Variants in PCBP3 observed in about 807,000 individuals in gnomAD.
PCBP3 encodes poly(rC)-binding protein 3.
PCBP3 carries 25 observed loss-of-function variants against 52.7 expected under a neutral mutation model. The observed-to-expected ratio is 0.47, with a 90% CI of 0.35 to 0.66. The LOEUF is 0.66. Ranked by LOEUF, PCBP3 falls within the 30% of genes least tolerant of loss-of-function variation. The pLI, the probability that PCBP3 is intolerant of heterozygous loss-of-function variation, is 0.01. For synonymous variants in PCBP3, 162 were observed against 183.0 expected (o/e 0.89, Z 0.93); for missense variants, 391 against 490.3 (o/e 0.80, Z 1.91).
intron 4 of PCBP3, among the ~76,000 whole-genome samples, chr21:45,839,345 C>T (rs1025872736): frequency 6.6e-6 from 1 of 152,180 alleles, no homozygotes; most frequent in Non-Finnish European, 1.5e-5. Flanking sequence ...TACATATTAT[C>T]CTGTCACCCT....
At chr21:45,721,342 G>A (rs1346215049) in intron 2 of PCBP3, among the ~76,000 whole-genome samples, 1 of 150,308 alleles carries the variant, frequency 6.7e-6, no homozygotes, top group Non-Finnish European at 1.5e-5. Context: ...GAACCCAGGA[G>A]GTGGAGGTTA....
At chr21:45,703,236 A>C (rs1376944103) in intron 2 of PCBP3, among the ~76,000 whole-genome samples, 1 of 152,242 alleles carries the variant, frequency 6.6e-6, no homozygotes, top group African/African-American at 2.4e-5. Context: ...AATGTTCTTA[A>C]TGACATCGAG....
At chr21:45,684,988 A>G (rs1168034917) in intron 2 of PCBP3, among the ~76,000 whole-genome samples, 1 of 152,228 alleles carries the variant, frequency 6.6e-6, no homozygotes, top group Non-Finnish European at 1.5e-5. Flanking sequence ...ACTCTGCTAC[A>G]GAAAACCATC....
intron 9 of PCBP3, among the ~76,000 whole-genome samples, chr21:45,903,904 G>A (rs142392930): frequency 1.2e-3 from 190 of 152,294 alleles, no homozygotes; most frequent in African/African-American, 4.0e-3. Flanking sequence ...TTCTAGTTGT[G>A]TGGAATTCTG....
At chr21:45,844,261 A>G (rs757948138) in intron 4 of PCBP3, among the ~76,000 whole-genome samples, 6 of 151,682 alleles carry the variant, frequency 4.0e-5, no homozygotes, top group Admixed American at 1.3e-4. Flanking sequence ...TGAGAGCCCC[A>G]CTTTAGGGAG....
At chr21:45,826,466 G>T (rs573909671) in intron 4 of PCBP3, among the ~76,000 whole-genome samples, 1 of 152,158 alleles carries the variant, frequency 6.6e-6, no homozygotes, top group Non-Finnish European at 1.5e-5. Flanking sequence ...CTGATTTCAC[G>T]CATGCAAAAT....
intron 3 of PCBP3, among the ~76,000 whole-genome samples, chr21:45,754,012 C>G (rs534804280): frequency 1.3e-5 from 2 of 152,124 alleles, no homozygotes; most frequent in African/African-American, 4.8e-5. Flanking sequence ...GGGTAAAAAA[C>G]TATTTTTAAC....
chr21:45,907,472 C>T (rs1478830661), intron 9 of PCBP3, among the ~76,000 whole-genome samples: 5 of 152,216 alleles, frequency 3.3e-5, no homozygotes, highest in Non-Finnish European at 7.3e-5. Flanking sequence ...CCCAGATCTC[C>T]AGTTGTTTCA....
intron 5 of PCBP3, among the ~76,000 whole-genome samples, chr21:45,852,386 T>C (rs58079335): frequency 0.49 from 21,916 of 44,308 alleles, 5,334 homozygotes; most frequent in East Asian, 0.81. Flanking sequence ...CACAGCCCTG[T>C]AGCCACCCTG....
chr21:45,819,855 G>T (rs1432378438), intron 4 of PCBP3, among the ~76,000 whole-genome samples: 1 of 152,238 alleles, frequency 6.6e-6, no homozygotes, highest in Non-Finnish European at 1.5e-5. Flanking sequence ...AGCTCCGTCT[G>T]TCATGTTAAT....
At chr21:45,695,729 G>A (rs1023740032) in intron 2 of PCBP3, among the ~76,000 whole-genome samples, 2 of 151,806 alleles carry the variant, frequency 1.3e-5, no homozygotes, top group African/African-American at 4.8e-5. Context: ...CTAGAACCTG[G>A]TACATAAGGC....
rs149995682 is a variant in PCBP3, at chr21:45,735,949, C to G, written c.-162+520C>G. On this transcript the variant is annotated intron_variant, in intron 3 of 17. Coordinates refer to ENST00000681687, the MANE Select transcript of PCBP3 (RefSeq NM_001384156.1). This position sits in a 1 kb window ranked among gnomAD's most constrained non-coding sequence, Gnocchi z 4.0. ...ACCGGCCAGCACACAGAGGCACTCA[C>G]CTGTCTCACACAATGCACTGTGGTC... Among the ~76,000 whole-genome samples the G allele has an allele frequency of 6.9e-4, 105 of 152,358 alleles. No homozygotes were observed. The highest frequency in any genetic ancestry group is 2.4e-3 in the African/African-American group (100 of 41,576).
intron 1 of PCBP3, among the ~76,000 whole-genome samples, chr21:45,659,062 G>A (rs570574303): frequency 6.7e-6 from 1 of 148,246 alleles, no homozygotes; most frequent in Non-Finnish European, 1.5e-5. Flanking sequence ...CTAGATAAAA[G>A]TTTGTCAGTT....
chr21:45,644,404 CTTG>C (rs1357841946), intron 1 of PCBP3, among the ~76,000 whole-genome samples: 1 of 151,834 alleles, frequency 6.6e-6, no homozygotes. Flanking sequence ...GCAGGTCTCT[CTTG>C]TTGCTCGCTG....
intron 5 of PCBP3, among the ~76,000 whole-genome samples, chr21:45,863,371 G>T (rs1334379337): frequency 6.6e-6 from 1 of 152,234 alleles, no homozygotes; most frequent in Non-Finnish European, 1.5e-5. Context: ...TGGGATTAAT[G>T]CTGGGTCCTG....
At chr21:45,890,058 C>T (rs1430388454) in intron 5 of PCBP3, among the ~76,000 whole-genome samples, 3 of 152,258 alleles carry the variant, frequency 2.0e-5, no homozygotes, top group Non-Finnish European at 4.4e-5. Flanking sequence ...GGGGCTGGGA[C>T]TGCGTCTGTC....
At position 45,886,954 on chromosome 21, in the gene PCBP3, G is replaced by A. The variant is rs149928128; in HGVS notation, c.11-9254G>A. Among the ~76,000 whole-genome samples, 66 of 152,340 alleles carry A rather than the reference G, an allele frequency of 4.3e-4. 2 individuals are homozygous for A. The East Asian group carries it at 0.011, about 25-fold the overall frequency. On this transcript the variant is annotated intron_variant, in intron 5 of 17. Transcript: ENST00000681687. The stretch of plus-strand genomic sequence containing the variant: ...TGCTGCGTGGGTGGGGAGGGGCACC[G>A]TGTCCTCCGTGGTGCCTGGTGGAAT...
In PCBP3 at chr21:45,917,715, T is replaced by C. The variant is rs774070439; in HGVS notation, c.717+86T>C. 1 of 1,016,052 alleles carries C rather than the reference T, an allele frequency of 9.8e-7. No individual in the cohort carries two copies. The highest frequency in any genetic ancestry group is 1.3e-5 in the South Asian group (1 of 79,228). The allele number at this position is 1,016,052 out of a possible 1,614,324, so 62.9% of individuals were successfully genotyped here. A position where few individuals can be genotyped will look rare whatever the true frequency, so the allele number is the denominator to read the frequency against. The stretch of plus-strand genomic sequence containing the variant: ...ATGCTGCTGTTAATTGCTACTAACA[T>C]TAATATTACACAATAATATTAATCA... On this transcript the variant is annotated intron_variant, in intron 13 of 17. Transcript: ENST00000681687. This position sits in a 1 kb window ranked among gnomAD's most constrained non-coding sequence, Gnocchi z 5.3.
chr21:45,690,064 A>G (rs1350982990), intron 2 of PCBP3, among the ~76,000 whole-genome samples: 1 of 152,176 alleles, frequency 6.6e-6, no homozygotes, highest in Non-Finnish European at 1.5e-5. Flanking sequence ...CTATTTGGAA[A>G]AGAACAAAGT....
Sources: allele counts gnomAD v4.1 joint callset (sites outside exome capture counted in the v4.1 genomes callset), GRCh38; gene constraint gnomAD v4.1.1; non-coding constraint Gnocchi (gnomAD v3.1); transcripts MANE v1.5; gene names NCBI Gene and HGNC (gene_info 2026-07-23, HGNC 2026-07-21).